LYPLAL1: variants seen among roughly 807,000 people sequenced by gnomAD.
LYPLAL1 encodes the protein lysophospholipase-like protein 1.
Under a neutral mutation model 19.7 loss-of-function variants are expected in LYPLAL1, and 23 were observed. The ratio of observed to expected loss-of-function variants is 1.17; its 90% CI spans 0.84 to 1.65. The LOEUF is 1.65. Among genes scored for constraint, LYPLAL1 ranks in the 40% most tolerant of loss-of-function variants. The pLI, the probability that LYPLAL1 is intolerant of heterozygous loss-of-function variation, is 0.00. For synonymous variants in LYPLAL1, 119 were observed against 96.3 expected (o/e 1.24, Z -1.38); for missense variants, 355 against 279.4 (o/e 1.27, Z -1.93).
chr1:219,391,929 A>G, the LYPLAL1 span, among the ~76,000 whole-genome samples: 5 of 152,210 alleles, frequency 3.3e-5, no homozygotes, highest in African/African-American at 1.2e-4. Context: ...GTTCTCTTTA[A>G]TCATTGATAT....
At chr1:219,206,335 G>A (rs539370701) in intron 3 of LYPLAL1, among the ~76,000 whole-genome samples, 5 of 152,012 alleles carry the variant, frequency 3.3e-5, no homozygotes, top group African/African-American at 9.6e-5. Context: ...TACCTACAAT[G>A]GATTTACTAT....
rs1268137371 is a variant in LYPLAL1 at position 219,212,653 on chromosome 1, A to G, written c.*925A>G. The G allele has an allele frequency of 1.3e-5, 2 of 152,072 alleles. No homozygotes were observed. Among genetic ancestry groups the G allele is most frequent in the Non-Finnish European group, 1.5e-5 (1 of 67,940 alleles). 9.4% of individuals were successfully genotyped at this position (152,072 alleles called of 1,614,324 possible). ...ATATACATTATCCCTATTTGTATAA[A>G]TAGAATCATACAATACCTGCCTGCT... is the stretch of plus-strand genomic sequence containing the variant. On this transcript the variant is annotated 3_prime_UTR_variant, in exon 5 of 5. Transcript: ENST00000366928.
At chr1:219,247,493 A>C in the LYPLAL1 span, among the ~76,000 whole-genome samples, 3 of 152,114 alleles carry the variant, frequency 2.0e-5, no homozygotes, top group Non-Finnish European at 4.4e-5. Context: ...ATACTTCTTA[A>C]ATCCAAAAGC....
At chr1:219,356,297 C>A in the LYPLAL1 span, among the ~76,000 whole-genome samples, 6 of 152,074 alleles carry the variant, frequency 3.9e-5, no homozygotes, top group Admixed American at 3.3e-4. Context: ...GTCAAGATAT[C>A]AAAACCATCC....
At chr1:219,363,068 A>T in the LYPLAL1 span, among the ~76,000 whole-genome samples, 82 of 152,310 alleles carry the variant, frequency 5.4e-4, no homozygotes, top group African/African-American at 1.9e-3. Context: ...TGTTTTTAAA[A>T]ATCAAAGGCT....
Position 219,184,332 on chromosome 1 carries a change from A to T in LYPLAL1, c.191+5086A>T, listed in dbSNP as rs1421807826. Among the ~76,000 whole-genome samples the T allele has an allele frequency of 2.0e-5, 3 of 152,080 alleles. No homozygotes were observed. The East Asian group carries it at 5.8e-4, about 29-fold the overall frequency. On this transcript the variant is annotated intron_variant, in intron 2 of 4. Coordinates refer to ENST00000366928, the MANE Select transcript of LYPLAL1 (RefSeq NM_138794.5). ...AAAACTTAATTTTCAAATTGTTGCT[A>T]GTACAGAGAAATAAATTTTAGTTTT...
chr1:219,336,450 G>A, the LYPLAL1 span, among the ~76,000 whole-genome samples: 1 of 151,792 alleles, frequency 6.6e-6, no homozygotes, highest in Non-Finnish European at 1.5e-5. Flanking sequence ...AAATACTTAA[G>A]ACAGTACCTG....
chr1:219,419,668 G>A, the LYPLAL1 span, among the ~76,000 whole-genome samples: 4 of 151,524 alleles, frequency 2.6e-5, no homozygotes, highest in African/African-American at 9.7e-5. Flanking sequence ...CTGGACCAAG[G>A]GGATGTTTAT....
At chr1:219,410,476 G>T in the LYPLAL1 span, among the ~76,000 whole-genome samples, 1 of 152,332 alleles carries the variant, frequency 6.6e-6, no homozygotes, top group East Asian at 1.9e-4. Flanking sequence ...GTTTTGAGAG[G>T]TGACAGCGTG....
the LYPLAL1 span, among the ~76,000 whole-genome samples, chr1:219,238,319 T>A: frequency 2.1e-5 from 3 of 141,668 alleles, no homozygotes; most frequent in Non-Finnish European, 4.6e-5. Flanking sequence ...TTTTTTTTTT[T>A]TTTTTTTTTT....
At chr1:219,335,611 A>C in the LYPLAL1 span, among the ~76,000 whole-genome samples, 21 of 151,018 alleles carry the variant, frequency 1.4e-4, no homozygotes, top group Non-Finnish European at 2.1e-4. Context: ...TTTTTAAAAA[A>C]CTGCACTAAA....
the LYPLAL1 span, among the ~76,000 whole-genome samples, chr1:219,417,581 T>C: frequency 6.6e-6 from 1 of 152,202 alleles, no homozygotes; most frequent in South Asian, 2.1e-4. Context: ...ATAGTATATA[T>C]TTTTTTCTAA....
the LYPLAL1 span, among the ~76,000 whole-genome samples, chr1:219,316,383 A>G: frequency 6.6e-6 from 1 of 152,154 alleles, no homozygotes; most frequent in Non-Finnish European, 1.5e-5. Context: ...TCAATGTTCA[A>G]AAGGATTATT....
the LYPLAL1 span, among the ~76,000 whole-genome samples, chr1:219,307,183 A>G: frequency 9.2e-5 from 14 of 152,260 alleles, no homozygotes; most frequent in African/African-American, 3.1e-4. Context: ...CTGGTCACAA[A>G]TTCATTTCTT....
the LYPLAL1 span, among the ~76,000 whole-genome samples, chr1:219,231,611 CTTTA>C: frequency 6.6e-6 from 1 of 151,938 alleles, no homozygotes; most frequent in African/African-American, 2.4e-5. Flanking sequence ...GTTATTAAAC[CTTTA>C]TTTACTAATT....
the LYPLAL1 span, among the ~76,000 whole-genome samples, chr1:219,438,460 T>A: frequency 2.6e-5 from 4 of 152,242 alleles, no homozygotes; most frequent in African/African-American, 7.2e-5. Flanking sequence ...CCTGCACTTG[T>A]TTTATTCCTC....
chr1:219,384,923 C>T, the LYPLAL1 span, among the ~76,000 whole-genome samples: 1 of 152,146 alleles, frequency 6.6e-6, no homozygotes, highest in African/African-American at 2.4e-5. Context: ...AAAGAGACTG[C>T]GTAGTAATTC....
the LYPLAL1 span, among the ~76,000 whole-genome samples, chr1:219,438,296 G>GT: frequency 6.6e-6 from 1 of 152,164 alleles, no homozygotes; most frequent in East Asian, 1.9e-4. Flanking sequence ...TTAGGTATCT[G>GT]TTGGGAATTC....
intron 1 of LYPLAL1, chr1:219,175,129 G>A: frequency 1.0e-6 from 1 of 980,620 alleles, no homozygotes; most frequent in Non-Finnish European, 1.2e-6. Context: ...AATGAGGCCA[G>A]ACAGGTTCAG....
Sources: allele counts gnomAD v4.1 joint callset (sites outside exome capture counted in the v4.1 genomes callset), GRCh38; gene constraint gnomAD v4.1.1; transcripts MANE v1.5; gene names NCBI Gene and HGNC (gene_info 2026-07-23, HGNC 2026-07-21).